The following ABCC4 variants were observed in gnomAD, a reference collection of about 807,000 sequenced individuals.
ABCC4 encodes ATP-binding cassette sub-family C member 4.
A neutral mutation model predicts 168.5 loss-of-function variants in ABCC4; 102 were observed. The observed-to-expected ratio is 0.61, with a 90% CI of 0.52 to 0.71. The LOEUF (loss-of-function observed/expected upper bound fraction) is 0.71. ABCC4 is among the 30% of genes least tolerant of loss of function. The pLI is 0.00. For synonymous variants in ABCC4, 617 were observed against 590.7 expected (o/e 1.04, Z -0.65); for missense variants, 1,402 against 1,605.8 (o/e 0.87, Z 2.17).
chr13:95,096,966 T>G (rs1388172476), intron 20 of ABCC4, among the ~76,000 whole-genome samples: 1 of 152,182 alleles, frequency 6.6e-6, no homozygotes, highest in Non-Finnish European at 1.5e-5. Context: ...TAAAAGACCA[T>G]TGGTTATTTA....
At chr13:95,228,619 A>G (rs1318862709) in intron 4 of ABCC4, among the ~76,000 whole-genome samples, 1 of 152,254 alleles carries the variant, frequency 6.6e-6, no homozygotes, top group East Asian at 1.9e-4. Flanking sequence ...TACTAAAAAT[A>G]CAAAAATGCA....
chr13:95,263,561 G>A (rs1456935095), intron 1 of ABCC4, among the ~76,000 whole-genome samples: 2 of 152,064 alleles, frequency 1.3e-5, no homozygotes, highest in Admixed American at 6.6e-5. Flanking sequence ...AGTGGCTCAC[G>A]CCTGTAATCC....
In ABCC4 at chr13:95,217,457, C is replaced by T. The variant is rs557554384; in HGVS notation, c.532-6676G>A. On this transcript the variant is annotated intron_variant, in intron 4 of 30. Transcript: ENST00000645237. ...TTTTAAAACAGAAGATGCGGCTGGG[C>T]ACGGTGGCTCATGCCTGTAATCCTA... is the stretch of plus-strand genomic sequence containing the variant. 2.4e-3 allele frequency among the ~76,000 whole-genome samples: 373 copies of T among 152,302 alleles called. 1 individual carries two copies. Among genetic ancestry groups the T allele is most frequent in the African/African-American group, 8.7e-3 (363 of 41,572 alleles).
chr13:95,088,529 T>C (rs1245993126), intron 20 of ABCC4, among the ~76,000 whole-genome samples: 1 of 152,200 alleles, frequency 6.6e-6, no homozygotes, highest in Non-Finnish European at 1.5e-5. Context: ...CAGAATATAT[T>C]CTGACATAAG....
intron 27 of ABCC4, among the ~76,000 whole-genome samples, chr13:95,045,594 G>A (rs2032543716): frequency 6.6e-6 from 1 of 152,174 alleles, no homozygotes; most frequent in African/African-American, 2.4e-5. Flanking sequence ...TGATATTAAT[G>A]TATCTTTATA....
intron 1 of ABCC4, among the ~76,000 whole-genome samples, chr13:95,273,816 G>GTTTGTTT (rs2040903008): frequency 1.5e-4 from 15 of 98,634 alleles, no homozygotes; most frequent in Non-Finnish European, 2.2e-4. Flanking sequence ...TTTTTGGTTT[G>GTTTGTTT]TTTTTTTTTT....
intron 20 of ABCC4, among the ~76,000 whole-genome samples, chr13:95,111,001 A>C (rs1287069321): frequency 6.3e-5 from 9 of 141,828 alleles, no homozygotes; most frequent in African/African-American, 2.1e-4. Flanking sequence ...AAAAAAAAAA[A>C]CCACAGAAAA....
At chr13:95,191,829 G>T (rs958569898) in intron 9 of ABCC4, among the ~76,000 whole-genome samples, 4 of 152,218 alleles carry the variant, frequency 2.6e-5, no homozygotes, top group Non-Finnish European at 5.9e-5. Context: ...CTGCAAAAGA[G>T]TGAGCCACAT....
At chr13:95,164,353 G>A in intron 16 of ABCC4, 25 bp downstream of exon 16, 3 of 1,613,166 alleles carry the variant, frequency 1.9e-6, no homozygotes, top group Non-Finnish European at 2.5e-6. Context: ...CATTTTGAGG[G>A]CGCAAAACAA....
chr13:95,245,854 C>A (rs1461174612), intron 3 of ABCC4, among the ~76,000 whole-genome samples: 1 of 147,930 alleles, frequency 6.8e-6, no homozygotes, highest in African/African-American at 2.5e-5. Context: ...GGAGCAAACC[C>A]CCCCACATAC....
chr13:95,168,507 G>A (rs572835269), intron 14 of ABCC4, among the ~76,000 whole-genome samples: 2 of 152,282 alleles, frequency 1.3e-5, no homozygotes, highest in South Asian at 2.1e-4. Flanking sequence ...TATATACCCC[G>A]TTTGTTGCAA....
chr13:95,234,655 A>C lies in ABCC4; in HGVS notation c.486T>G (p.Ala162=). ...ACATGGCTACTCGTAACCTCATCCC[A>C]GCACACTGAACGTGATAAAAATATA... The part of the protein sequence containing the change: ...HHLYFYHVQC[A]GMRLRVAMCH... The change falls in exon 4 of 31, where the codon GCT becomes GCG. Residue 162 remains alanine, a synonymous_variant. Transcript: ENST00000645237. The C allele has an allele frequency of 6.2e-7, 1 of 1,614,190 alleles. No individual in the cohort carries two copies. Among genetic ancestry groups the C allele is most frequent in the Non-Finnish European group, 8.5e-7 (1 of 1,180,016 alleles).
intron 29 of ABCC4, 153 bp downstream of exon 29, chr13:95,043,529 G>A (rs905666947): frequency 5.2e-5 from 29 of 555,976 alleles, no homozygotes; most frequent in Admixed American, 1.9e-4. Context: ...CACTGAGGGT[G>A]TAGTTAAGCA....
At chr13:95,256,211 G>T (rs1000828310) in intron 1 of ABCC4, among the ~76,000 whole-genome samples, 3 of 152,202 alleles carry the variant, frequency 2.0e-5, no homozygotes, top group African/African-American at 7.2e-5. Flanking sequence ...GCTGAGACTG[G>T]AGGTGCATGC....
chr13:95,132,060 A>G (rs1283998975), intron 19 of ABCC4, among the ~76,000 whole-genome samples: 2 of 152,196 alleles, frequency 1.3e-5, no homozygotes, highest in African/African-American at 4.8e-5. Context: ...CAAGACATCA[A>G]TAACAAATGA....
At chr13:95,087,255 G>A (rs1168600032) in intron 20 of ABCC4, among the ~76,000 whole-genome samples, 5 of 152,172 alleles carry the variant, frequency 3.3e-5, no homozygotes, top group South Asian at 2.1e-4. Flanking sequence ...GCAGGGTGCG[G>A]TGGCTCACGC....
At chr13:95,059,374 A>T (rs2033199253) in intron 26 of ABCC4, among the ~76,000 whole-genome samples, 2 of 152,210 alleles carry the variant, frequency 1.3e-5, no homozygotes, top group Admixed American at 1.3e-4. Flanking sequence ...AAATGTTAGG[A>T]ATTCTCACTA....
At position 95,238,151 on chromosome 13, in the gene ABCC4, G is replaced by A. The variant is rs60963105; in HGVS notation, c.307-3317C>T. ...TAAGGCTGCAGTGAGCCAAGATCGC[G>A]CCACTGCACTCCAGCCTGGAGAACA... On this transcript the variant is annotated intron_variant, in intron 3 of 30. Coordinates refer to ENST00000645237, the MANE Select transcript of ABCC4 (RefSeq NM_005845.5). Among the ~76,000 whole-genome samples the A allele has an allele frequency of 2.3e-3, 311 of 136,638 alleles. 9 individuals carry two copies. In the East Asian group the frequency reaches 0.061, roughly 27 times the overall value. 89.6% of individuals were successfully genotyped at this position (136,638 alleles called of 152,430 possible).
At chr13:95,038,857 A>G (rs2032239761) in intron 29 of ABCC4, among the ~76,000 whole-genome samples, 1 of 152,170 alleles carries the variant, frequency 6.6e-6, no homozygotes, top group Non-Finnish European at 1.5e-5. Flanking sequence ...GGCCCTGGAA[A>G]ACAGATATGG....
Sources: gnomAD v4.1 joint callset for allele counts (sites outside exome capture counted in the v4.1 genomes callset) on GRCh38, gnomAD v4.1.1 for gene constraint, MANE v1.5 for transcripts, NCBI Gene and HGNC (gene_info 2026-07-23, HGNC 2026-07-21) for gene names.